The following RYR3 variants were observed in gnomAD, a reference collection of about 807,000 sequenced individuals.
RYR3 encodes the protein brain ryanodine receptor-calcium release channel.
In RYR3, 207 loss-of-function variants were observed where a neutral mutation model predicts 584.3. The observed-to-expected ratio is 0.35, with a 90% CI of 0.32 to 0.40. The LOEUF (loss-of-function observed/expected upper bound fraction) is 0.40. Among genes scored for constraint, RYR3 ranks in the 10% least tolerant of loss-of-function variants. RYR3 has a pLI of 1.00. For synonymous variants in RYR3, 2,416 were observed against 2,248.5 expected, an observed-to-expected ratio of 1.07 and a Z score of -2.11; for missense variants, 5,616 against 6,089.2, an observed-to-expected ratio of 0.92 and a Z score of 2.59.
intron 8 of RYR3, among the ~76,000 whole-genome samples, chr15:33,547,860 G>A (rs1342091259): frequency 6.6e-6 from 1 of 152,216 alleles, no homozygotes; most frequent in Non-Finnish European, 1.5e-5. Flanking sequence ...AGATGTTCTT[G>A]TTCCTGCCTT....
rs1261040823 is a variant in RYR3, at chr15:33,772,072, T to A, written c.8969T>A (p.Ile2990Asn). The change falls in exon 63 of 104, where the codon ATT (isoleucine) becomes AAT (asparagine). Residue 2990 changes from isoleucine to asparagine, a missense_variant. Coordinates refer to ENST00000634891, the MANE Select transcript of RYR3 (RefSeq NM_001036.6). ...RTQIKGVSQN[I>N]NYTTVALLPI... is the part of the protein sequence containing the mutation. ...CAGATTAAAGGCGTTTCTCAGAATA[T>A]TAACTACACTACAGTGGCTCTGCTC... 1 of 1,613,740 alleles carries A rather than the reference T, an allele frequency of 6.2e-7. No individual in the cohort carries two copies. Among genetic ancestry groups the A allele is most frequent in the Non-Finnish European group, 8.5e-7 (1 of 1,179,834 alleles).
At chr15:33,636,332 T>C (rs534039466) in intron 26 of RYR3, 44 bp from the exon 27 acceptor site, 1 of 1,559,286 alleles carries the variant, frequency 6.4e-7, no homozygotes, top group South Asian at 1.1e-5. Context: ...TGCTGGGGCC[T>C]CTAGAGACTC....
intron 13 of RYR3, 57 bp downstream of exon 13, chr15:33,580,201 T>C: frequency 7.5e-7 from 1 of 1,335,970 alleles, no homozygotes; most frequent in Non-Finnish European, 1.0e-6. Flanking sequence ...AGAATATCCC[T>C]GTGACTACAA....
chr15:33,418,225 A>AT (rs2043966813), intron 1 of RYR3, among the ~76,000 whole-genome samples: 1 of 152,082 alleles, frequency 6.6e-6, no homozygotes, highest in Non-Finnish European at 1.5e-5. Flanking sequence ...CTCTTCCTCG[A>AT]TTTTTTGGAA....
intron 30 of RYR3, 50 bp downstream of exon 30, chr15:33,647,510 G>A (rs542177144): frequency 1.4e-6 from 2 of 1,382,938 alleles, no homozygotes; most frequent in East Asian, 2.3e-5. Flanking sequence ...TCTTTGTTGT[G>A]CCTGGTAATA....
Position 33,748,228 on chromosome 15 carries a change from G to T in RYR3, c.8104G>T (p.Glu2702Ter). 6.2e-7 allele frequency: 1 copy of T among 1,613,932 alleles called. No homozygotes were observed. Among genetic ancestry groups the T allele is most frequent in the Non-Finnish European group, 8.5e-7 (1 of 1,179,874 alleles). ...AGCTTTGGTTCAACAGCGGGAAAAT[G>T]AGAAGCTTCGAAGTGTGTCCCAGGC... ...GEALVQQREN[E>*]KLRSVSQANQ... Residue 2702 changes from glutamate (E) to a stop codon, truncating the protein, a stop_gained, in exon 54 of 104, where the codon GAG becomes TAG. Transcript: ENST00000634891. LOFTEE classifies it high-confidence loss of function.
At chr15:33,734,572 G>T (rs1375854399) in intron 48 of RYR3, among the ~76,000 whole-genome samples, 1 of 152,048 alleles carries the variant, frequency 6.6e-6, no homozygotes, top group Non-Finnish European at 1.5e-5. Context: ...CATCAACCAA[G>T]GACCCCTGCC....
rs1164941988 is a variant in RYR3 at position 33,861,173 on chromosome 15, C to G, written c.14460C>G (p.Asn4820Lys). The part of the protein sequence containing the change: ...THTLQEHNLA[N>K]YLFFLMYLIN... ...CATTACAAGAGCACAACTTAGCCAACTACTTGTGAGTATTCTTGGTTAACA... is the reference window on the plus strand; with the variant it reads ...CATTACAAGAGCACAACTTAGCCAAGTACTTGTGAGTATTCTTGGTTAACA... Residue 4820 changes from asparagine to lysine, a missense_variant, in exon 102 of 104, where the codon AAC (asparagine) becomes AAG (lysine). Coordinates refer to ENST00000634891, the MANE Select transcript of RYR3 (RefSeq NM_001036.6). 6.9e-6 allele frequency: 11 copies of G among 1,583,762 alleles called. No homozygotes were observed. Among genetic ancestry groups the G allele is most frequent in the Non-Finnish European group, 9.5e-6 (11 of 1,163,046 alleles).
At chr15:33,342,625 A>G (rs1027305194) in intron 1 of RYR3, among the ~76,000 whole-genome samples, 4 of 152,158 alleles carry the variant, frequency 2.6e-5, no homozygotes, top group African/African-American at 9.7e-5. Flanking sequence ...TGTTATAATT[A>G]AAGCCAATTT....
chr15:33,685,160 A>G lies in RYR3; in HGVS notation c.5861-11058A>G, dbSNP rs1009800921. ...AAAGATCTAGACTGGCAAATTGGAT[A>G]AAGAGTCAAGACCCATCAGTGTGCT... On this transcript the variant is annotated intron_variant, in intron 38 of 103. Coordinates refer to ENST00000634891, the MANE Select transcript of RYR3 (RefSeq NM_001036.6). Among the ~76,000 whole-genome samples the G allele has an allele frequency of 2.6e-5, 4 of 152,368 alleles. No individual in the cohort carries two copies. The East Asian group carries it at 7.7e-4, about 29-fold the overall frequency.
intron 2 of RYR3, among the ~76,000 whole-genome samples, chr15:33,486,181 T>G (rs2050402327): frequency 6.6e-6 from 1 of 152,174 alleles, no homozygotes; most frequent in African/African-American, 2.4e-5. Flanking sequence ...TGTAACAAAT[T>G]ACCACAATCT....
In RYR3 at chr15:33,581,658, A is replaced by G; in HGVS notation, c.1573+15A>G. 6.2e-7 allele frequency: 1 copy of G among 1,610,548 alleles called. No homozygotes were observed. The highest frequency in any genetic ancestry group is 8.5e-7 in the Non-Finnish European group (1 of 1,177,218). Reference sequence around the variant, plus strand: ...CAAATTGCTGGGTAAGTACACATACAGTGCCTTCTCCCTGGGATGATTTCC... The same window carrying G: ...CAAATTGCTGGGTAAGTACACATACGGTGCCTTCTCCCTGGGATGATTTCC... On this transcript the variant is annotated intron_variant, in intron 14 of 103. Coordinates refer to ENST00000634891, the MANE Select transcript of RYR3 (RefSeq NM_001036.6).
At chr15:33,502,958 CT>C (rs1436915618) in intron 2 of RYR3, among the ~76,000 whole-genome samples, 1 of 152,180 alleles carries the variant, frequency 6.6e-6, no homozygotes, top group East Asian at 1.9e-4. Flanking sequence ...ATATTAGCTA[CT>C]GTTAGTATGC....
At chr15:33,540,515 G>C (rs2055730987) in intron 6 of RYR3, among the ~76,000 whole-genome samples, 1 of 152,142 alleles carries the variant, frequency 6.6e-6, no homozygotes. Context: ...ACAAAGAATG[G>C]ACATTTTATG....
chr15:33,813,000 G>A lies in RYR3; in HGVS notation c.10389+6G>A. 6.2e-7 allele frequency: 1 copy of A among 1,613,928 alleles called. No homozygotes were observed. The stretch of plus-strand genomic sequence containing the variant: ...CTGTCTTCCACCTGGAACAGGTAAG[G>A]AGCATCTGCCCTGAGGAATGGGGAA... On this transcript the variant is annotated splice_donor_region_variant and intron_variant, in intron 73 of 103. Coordinates refer to ENST00000634891, the MANE Select transcript of RYR3 (RefSeq NM_001036.6).
At chr15:33,325,603 C>T (rs1401681647) in intron 1 of RYR3, among the ~76,000 whole-genome samples, 1 of 151,818 alleles carries the variant, frequency 6.6e-6, no homozygotes, top group African/African-American at 2.4e-5. Context: ...GATGAGGTTT[C>T]TTTTCTTTTC....
chr15:33,508,313 T>G (rs1457419512), intron 3 of RYR3, among the ~76,000 whole-genome samples: 1 of 152,206 alleles, frequency 6.6e-6, no homozygotes, highest in Non-Finnish European at 1.5e-5. Context: ...TGCCTGACTT[T>G]GGATGCTAAA....
Position 33,865,464 on chromosome 15 carries a change from A to T in RYR3, c.*238A>T. Reference sequence around the variant, plus strand: ...AAGAAGGAAGGCGAAGAATCAAGTAATCTCTAGGCAAATGCCTTCAAGTTT... The same window carrying T: ...AAGAAGGAAGGCGAAGAATCAAGTATTCTCTAGGCAAATGCCTTCAAGTTT... On this transcript the variant is annotated 3_prime_UTR_variant, in exon 104 of 104. Transcript: ENST00000634891. 3 of 461,938 alleles carry T rather than the reference A, an allele frequency of 6.5e-6. No individual in the cohort carries two copies. Among genetic ancestry groups the T allele is most frequent in the Non-Finnish European group, 1.2e-5 (3 of 260,008 alleles). 28.6% of individuals were successfully genotyped at this position (461,938 alleles called of 1,614,324 possible).
Position 33,750,229 on chromosome 15 carries a change from G to T in RYR3, c.8342G>T (p.Arg2781Leu). The change falls in exon 57 of 104, where the codon CGG becomes CTG. Residue 2781 changes from arginine (R) to leucine (L), a missense_variant. This residue lies in a region of RYR3 where 1,280 missense variants were observed against 1,426.2 expected (regional missense o/e 0.90). Coordinates refer to ENST00000634891, the MANE Select transcript of RYR3 (RefSeq NM_001036.6). The stretch of plus-strand genomic sequence containing the variant: ...ACTGCCAAGGAAAAGTTCAAGGACC[G>T]GGAGAAGGCACAGGACCTGTTTAAG... ...TLTAKEKFKD[R>L]EKAQDLFKFL... is the part of the protein sequence containing the mutation. 2 of 1,609,888 alleles carry T rather than the reference G, an allele frequency of 1.2e-6. No individual in the cohort carries two copies. Among genetic ancestry groups the T allele is most frequent in the Non-Finnish European group, 1.7e-6 (2 of 1,178,094 alleles).
Sources: allele counts gnomAD v4.1 joint callset (sites outside exome capture counted in the v4.1 genomes callset), GRCh38; gene constraint gnomAD v4.1.1; regional missense constraint gnomAD v4.1.1; transcripts MANE v1.5; gene names NCBI Gene and HGNC (gene_info 2026-07-23, HGNC 2026-07-21).